The following DLG2 variants were observed in gnomAD, a reference collection of about 807,000 sequenced individuals.
DLG2 encodes the protein discs large MAGUK scaffold protein 2, also known as disks large homolog 2.
Under a neutral mutation model 132.5 loss-of-function variants are expected in DLG2, and 45 were observed. The observed-to-expected ratio is 0.34, with a 90% confidence interval of 0.27 to 0.44. The LOEUF is 0.44. Ranked by LOEUF, DLG2 falls within the 20% of genes least tolerant of loss-of-function variation. The pLI is 1.00. For missense variants in DLG2, 1,045 were observed against 1,196.9 expected (o/e 0.87, Z 1.87); for synonymous variants, 424 against 419.6 (o/e 1.01, Z -0.13).
chr11:85,125,806 T>TACACACACACAC (rs71465021), intron 5 of DLG2, among the ~76,000 whole-genome samples: 1 of 148,540 alleles, frequency 6.7e-6, no homozygotes, highest in Non-Finnish European at 1.5e-5. Flanking sequence ...CCAGACATTA[T>TACACACACACAC]ACACACACAC....
intron 6 of DLG2, among the ~76,000 whole-genome samples, chr11:85,006,105 G>A (rs553470357): frequency 3.3e-5 from 5 of 152,240 alleles, no homozygotes; most frequent in Non-Finnish European, 7.4e-5. Context: ...GCTTTTTTAT[G>A]TGCTGCTGGA....
At chr11:84,087,055 C>T (rs998289125) in intron 10 of DLG2, among the ~76,000 whole-genome samples, 1 of 152,156 alleles carries the variant, frequency 6.6e-6, no homozygotes, top group Non-Finnish European at 1.5e-5. Flanking sequence ...TCCATTCACC[C>T]ATCAATGGAC....
At chr11:83,648,768 A>T (rs1274310395) in intron 18 of DLG2, among the ~76,000 whole-genome samples, 1 of 152,094 alleles carries the variant, frequency 6.6e-6, no homozygotes, top group African/African-American at 2.4e-5. Context: ...TTCTCTATGG[A>T]TGTAGACATT....
intron 21 of DLG2, chr11:83,486,301 T>TGCAAG: frequency 1.5e-6 from 1 of 670,502 alleles, no homozygotes; most frequent in Admixed American, 2.3e-5. Flanking sequence ...CATGTGATAC[T>TGCAAG]GCAAGGTATG....
intron 3 of DLG2, among the ~76,000 whole-genome samples, chr11:85,446,188 G>A (rs545922423): frequency 3.3e-5 from 5 of 152,300 alleles, no homozygotes; most frequent in Admixed American, 3.3e-4. Context: ...AAGTATTTGA[G>A]AACATTTAAA....
intron 17 of DLG2, chr11:83,790,860 T>C (rs554512725): frequency 8.5e-5 from 63 of 743,336 alleles, no homozygotes; most frequent in Non-Finnish European, 3.6e-5. Flanking sequence ...GTCCAGACAA[T>C]AGCTACTTGA....
intron 6 of DLG2, among the ~76,000 whole-genome samples, chr11:84,714,637 CTCTCTCTCTT>C (rs2060967404): frequency 4.3e-5 from 6 of 141,064 alleles, no homozygotes; most frequent in African/African-American, 1.5e-4. Context: ...CTCTCTCTCT[CTCTCTCTCTT>C]TCTCTCTCTC....
At chr11:85,224,789 G>A (rs1360172979) in intron 4 of DLG2, among the ~76,000 whole-genome samples, 1 of 152,100 alleles carries the variant, frequency 6.6e-6, no homozygotes, top group Non-Finnish European at 1.5e-5. Flanking sequence ...AAATCTTAAA[G>A]AGTTTAAAAG....
chr11:85,403,977 G>A (rs1234580997), intron 3 of DLG2, among the ~76,000 whole-genome samples: 1 of 152,006 alleles, frequency 6.6e-6, no homozygotes, highest in Admixed American at 6.6e-5. Flanking sequence ...GCGGGGAGAA[G>A]AACCATAGCC....
intron 6 of DLG2, among the ~76,000 whole-genome samples, chr11:84,865,440 A>T (rs548638880): frequency 6.6e-6 from 1 of 152,304 alleles, no homozygotes; most frequent in African/African-American, 2.4e-5. Context: ...CCAGGAATGC[A>T]TTTCTGCTAT....
intron 3 of DLG2, among the ~76,000 whole-genome samples, chr11:85,564,409 ATT>A (rs1361494872): frequency 6.6e-6 from 1 of 151,838 alleles, no homozygotes; most frequent in Non-Finnish European, 1.5e-5. Context: ...TCTGTGATCC[ATT>A]TTGAGTTATT....
At chr11:84,719,428 A>T (rs1210913922) in intron 6 of DLG2, among the ~76,000 whole-genome samples, 3 of 152,192 alleles carry the variant, frequency 2.0e-5, no homozygotes, top group Non-Finnish European at 4.4e-5. Context: ...GGACAAATCC[A>T]CTGGCTTTTC....
At chr11:84,059,573 G>T in intron 10 of DLG2, 89 bp from the exon 11 acceptor site, 1 of 1,015,492 alleles carries the variant, frequency 9.8e-7, no homozygotes, top group Non-Finnish European at 1.4e-6. Context: ...TTAAGAAGTG[G>T]GAAAGTAAAG....
chr11:84,510,341 C>A (rs116047623), intron 7 of DLG2, among the ~76,000 whole-genome samples: 3 of 151,946 alleles, frequency 2.0e-5, no homozygotes, highest in Non-Finnish European at 4.4e-5. Flanking sequence ...ATCATATTCA[C>A]CACATTTTAT....
chr11:84,894,676 G>A (rs2089945756), intron 6 of DLG2, among the ~76,000 whole-genome samples: 1 of 152,164 alleles, frequency 6.6e-6, no homozygotes, highest in Admixed American at 6.5e-5. Context: ...AGGAGCAGGA[G>A]GGAGGCATTG....
chr11:84,420,341 C>A (rs969174548), intron 7 of DLG2, among the ~76,000 whole-genome samples: 1 of 152,142 alleles, frequency 6.6e-6, no homozygotes, highest in Non-Finnish European at 1.5e-5. Flanking sequence ...CCCTTTCTTC[C>A]CCCACTCTGA....
rs1263431273 is a variant in DLG2, at chr11:85,221,826, C to G, written c.186+63394G>C. Among the ~76,000 whole-genome samples the G allele has an allele frequency of 2.0e-5, 3 of 152,194 alleles. No individual in the cohort carries two copies. The East Asian group carries it at 5.8e-4, about 29-fold the overall frequency. On this transcript the variant is annotated intron_variant, in intron 4 of 27. Transcript: ENST00000376104. ...TGACTTGAAAGCCTTTGCTCTGAAA[C>G]TCTGGACTCTAGCACCTATTTCACA...
chr11:83,615,227 G>A (rs2060629982), intron 19 of DLG2, among the ~76,000 whole-genome samples: 1 of 152,176 alleles, frequency 6.6e-6, no homozygotes, highest in African/African-American at 2.4e-5. Flanking sequence ...TGATGAAGGT[G>A]GAATTGGGAG....
intron 7 of DLG2, among the ~76,000 whole-genome samples, chr11:84,496,275 G>C (rs1459513726): frequency 6.6e-6 from 1 of 152,070 alleles, no homozygotes; most frequent in Non-Finnish European, 1.5e-5. Flanking sequence ...TTCAGAACTC[G>C]CTGATGAACA....
Sources: gnomAD v4.1 joint callset for allele counts (sites outside exome capture counted in the v4.1 genomes callset) on GRCh38, gnomAD v4.1.1 for gene constraint, MANE v1.5 for transcripts, NCBI Gene and HGNC (gene_info 2026-07-23, HGNC 2026-07-21) for gene names.